The following EXT2 variants were observed in gnomAD, a reference collection of about 807,000 sequenced individuals.
The protein encoded by EXT2 is exostosin-2.
In EXT2, 53 loss-of-function variants were observed where a neutral mutation model predicts 81.6. The ratio of observed to expected loss-of-function variants is 0.65; its 90% CI spans 0.52 to 0.82. The LOEUF (loss-of-function observed/expected upper bound fraction) is 0.82, where lower values mean the gene tolerates loss of function less well. Among genes scored for constraint, EXT2 ranks in the 40% least tolerant of loss-of-function variants. The pLI is 0.00. For missense variants in EXT2, 774 were observed against 910.2 expected (o/e 0.85, Z 1.93); for synonymous variants, 320 against 340.0 (o/e 0.94, Z 0.65).
Position 44,197,914 on chromosome 11 carries a change from A to T in EXT2, c.1391A>T (p.Asp464Val). ...QGFTAIVLTY[D>V]RVESLFRVIT... The stretch of plus-strand genomic sequence containing the variant: ...TTCACCGCCATAGTCCTCACCTACG[A>T]CCGAGTAGAGAGCCTCTTCCGGGTC... Residue 464 changes from aspartate to valine, a missense_variant, in exon 9 of 14, where the codon GAC (aspartate) becomes GTC (valine). Asp to Val is a radical substitution (Grantham distance 152, BLOSUM62 -3). This residue lies in a region of EXT2 where 626 missense variants were observed against 670.5 expected (regional missense o/e 0.93). Coordinates refer to ENST00000533608, the MANE Select transcript of EXT2 (RefSeq NM_207122.2). 1 of 1,614,040 alleles carries T rather than the reference A, an allele frequency of 6.2e-7. No homozygotes were observed. The highest frequency in any genetic ancestry group is 8.5e-7 in the Non-Finnish European group (1 of 1,179,960).
intron 7 of EXT2, among the ~76,000 whole-genome samples, chr11:44,153,775 A>T (rs2135089228): frequency 6.6e-6 from 1 of 151,832 alleles, no homozygotes; most frequent in Non-Finnish European, 1.5e-5. Flanking sequence ...GTGCTCTTGG[A>T]TTTTTTTCTC....
At chr11:44,223,247 A>G (rs1202194490) in intron 10 of EXT2, among the ~76,000 whole-genome samples, 1 of 152,238 alleles carries the variant, frequency 6.6e-6, no homozygotes, top group African/African-American at 2.4e-5. Context: ...TAAACATGCA[A>G]CTACCATAGG....
At chr11:44,098,993 A>T (rs1400616321) in intron 1 of EXT2, among the ~76,000 whole-genome samples, 2 of 152,126 alleles carry the variant, frequency 1.3e-5, no homozygotes, top group Non-Finnish European at 2.9e-5. Context: ...TTTATATTAA[A>T]TATGTTCTAT....
At chr11:44,235,300 T>C (rs1445276279) in intron 12 of EXT2, among the ~76,000 whole-genome samples, 1 of 128,952 alleles carries the variant, frequency 7.8e-6, no homozygotes, top group Non-Finnish European at 1.6e-5. Context: ...AGTGGCACAG[T>C]CTCGGCTCAC....
At chr11:44,120,264 G>C (rs1954296952) in intron 4 of EXT2, among the ~76,000 whole-genome samples, 2 of 152,124 alleles carry the variant, frequency 1.3e-5, no homozygotes, top group African/African-American at 4.8e-5. Context: ...CCTTTGAAAA[G>C]GTGTCAGTTT....
intron 8 of EXT2, among the ~76,000 whole-genome samples, chr11:44,183,819 CT>C (rs1183170213): frequency 6.6e-6 from 1 of 152,276 alleles, no homozygotes; most frequent in Admixed American, 6.5e-5. Context: ...TTCATAGCAT[CT>C]TTTTTTCTCA....
intron 8 of EXT2, among the ~76,000 whole-genome samples, chr11:44,178,873 T>C (rs1475254647): frequency 6.6e-6 from 1 of 152,220 alleles, no homozygotes; most frequent in African/African-American, 2.4e-5. Context: ...TTGAAGTCTA[T>C]TGTTTTTATA....
At position 44,194,190 on chromosome 11, in the gene EXT2, A is replaced by G. The variant is rs1048824054; in HGVS notation, c.1306-3639A>G. On this transcript the variant is annotated intron_variant, in intron 8 of 13. Transcript: ENST00000533608. ...CCTCTTCTCCCAAAGAACAGACCTC[A>G]TTCTGTTGGAGTTTTAATAGTTTTT... is the stretch of plus-strand genomic sequence containing the variant. Among the ~76,000 whole-genome samples, 65 of 152,162 alleles carry G rather than the reference A, an allele frequency of 4.3e-4. 1 individual carries two copies. The highest frequency in any genetic ancestry group is 1.5e-3 in the African/African-American group (64 of 41,440).
At chr11:44,138,217 A>G (rs1954597664) in intron 7 of EXT2, among the ~76,000 whole-genome samples, 2 of 152,206 alleles carry the variant, frequency 1.3e-5, no homozygotes, top group Admixed American at 1.3e-4. Context: ...AAGGACGGTA[A>G]CTAACAAGCG....
Position 44,164,823 on chromosome 11 carries a change from A to G in EXT2, c.1174-6788A>G, listed in dbSNP as rs560472142. The stretch of plus-strand genomic sequence containing the variant: ...AACTCTTCAACTGTGTACCTTCCAC[A>G]GTTTAGAGTGACTGGGGAATTTGCA... On this transcript the variant is annotated intron_variant, in intron 7 of 13. Transcript: ENST00000533608. Among the ~76,000 whole-genome samples the G allele has an allele frequency of 2.6e-5, 4 of 151,788 alleles. No homozygotes were observed. The East Asian group carries it at 5.8e-4, about 22-fold the overall frequency.
chr11:44,124,165 C>T (rs1483760166), intron 4 of EXT2, among the ~76,000 whole-genome samples: 2 of 152,130 alleles, frequency 1.3e-5, no homozygotes, highest in Non-Finnish European at 2.9e-5. Flanking sequence ...ATCGTTTTTT[C>T]TACTTCTTGT....
chr11:44,235,498 G>C (rs987145435), intron 12 of EXT2, among the ~76,000 whole-genome samples: 2 of 151,656 alleles, frequency 1.3e-5, no homozygotes, highest in Admixed American at 1.3e-4. Context: ...CACCCGCTTC[G>C]GCCTCCCAAA....
intron 7 of EXT2, among the ~76,000 whole-genome samples, chr11:44,136,693 A>T (rs1047915984): frequency 1.3e-5 from 2 of 152,166 alleles, no homozygotes; most frequent in African/African-American, 4.8e-5. Flanking sequence ...AGTATACATA[A>T]ACTGGACTCT....
At chr11:44,233,539 G>T (rs762513863) in intron 11 of EXT2, among the ~76,000 whole-genome samples, 3 of 152,126 alleles carry the variant, frequency 2.0e-5, no homozygotes, top group Non-Finnish European at 4.4e-5. Context: ...TGCTCCCTGG[G>T]AGTATATGGT....
intron 8 of EXT2, among the ~76,000 whole-genome samples, chr11:44,178,094 T>C (rs138268410): frequency 2.6e-5 from 4 of 152,324 alleles, no homozygotes; most frequent in African/African-American, 9.6e-5. Flanking sequence ...ATAAGAGCAC[T>C]TGATTGGCAA....
rs61132772 is a variant in EXT2 at position 44,193,369 on chromosome 11, G to A, written c.1306-4460G>A. Among the ~76,000 whole-genome samples, 1,086 of 152,232 alleles carry A rather than the reference G, an allele frequency of 7.1e-3. 14 individuals are homozygous for A. The highest frequency in any genetic ancestry group is 0.025 in the African/African-American group (1,037 of 41,520). ...ATAACTCACACAAGATCAACCATTGGCTACAATTTATTGAATGCTTCTACA... is the reference window on the plus strand; with the variant it reads ...ATAACTCACACAAGATCAACCATTGACTACAATTTATTGAATGCTTCTACA... On this transcript the variant is annotated intron_variant, in intron 8 of 13. Coordinates refer to ENST00000533608, the MANE Select transcript of EXT2 (RefSeq NM_207122.2).
In EXT2 at chr11:44,193,597, C is replaced by T. The variant is rs147057263; in HGVS notation, c.1306-4232C>T. Among the ~76,000 whole-genome samples the T allele has an allele frequency of 3.4e-3, 525 of 152,320 alleles. 2 individuals are homozygous for T. Among genetic ancestry groups the T allele is most frequent in the African/African-American group, 0.012 (485 of 41,572 alleles). On this transcript the variant is annotated intron_variant, in intron 8 of 13. Coordinates refer to ENST00000533608, the MANE Select transcript of EXT2 (RefSeq NM_207122.2). ...GATTCCAAAACTGACTTCAAACATG[C>T]TAACTCAATTTTGAAGCCATTTGCA...
rs574594934 is a variant in EXT2, at chr11:44,115,895, C to G, written c.743+1594C>G. ...GAGCTTGAGACATTTTTGTTCCTAC[C>G]CTTAGGCAAATGCGGAGCAAGACTG... is the stretch of plus-strand genomic sequence containing the variant. On this transcript the variant is annotated intron_variant, in intron 4 of 13. Transcript: ENST00000533608. The G allele has an allele frequency of 2.4e-4, 37 of 152,196 alleles. No individual in the cohort carries two copies. In the East Asian group the frequency reaches 7.0e-3, roughly 29 times the overall value. The allele number at this position is 152,196 out of a possible 1,614,324, so 9.4% of individuals were successfully genotyped here.
chr11:44,121,708 G>C (rs1954319329), intron 4 of EXT2, among the ~76,000 whole-genome samples: 1 of 151,810 alleles, frequency 6.6e-6, no homozygotes, highest in Admixed American at 6.6e-5. Flanking sequence ...CTAGCACTGG[G>C]GTGATGCTAT....
Sources: gnomAD v4.1 joint callset for allele counts (sites outside exome capture counted in the v4.1 genomes callset) on GRCh38, gnomAD v4.1.1 for gene constraint, gnomAD v4.1.1 regional missense constraint, MANE v1.5 for transcripts, NCBI Gene and HGNC (gene_info 2026-07-23, HGNC 2026-07-21) for gene names.